Variants in RECK observed in about 807,000 individuals in gnomAD.
The protein encoded by RECK is reversion-inducing cysteine-rich protein with Kazal motifs.
A neutral mutation model predicts 115.1 loss-of-function variants in RECK; 69 were observed. That is an observed-to-expected ratio of 0.60 (90% confidence interval 0.49 to 0.73). The LOEUF (loss-of-function observed/expected upper bound fraction) is 0.73, where lower values mean the gene tolerates loss of function less well. Among genes scored for constraint, RECK ranks in the 30% least tolerant of loss-of-function variants. The pLI is 0.00. For synonymous variants in RECK, 414 were observed against 419.7 expected (o/e 0.99, Z 0.17); for missense variants, 1,047 against 1,203.7 (o/e 0.87, Z 1.93).
Position 36,100,558 on chromosome 9 carries a change from T to C in RECK, c.1298+15T>C, listed in dbSNP as rs1404314862. 3 of 1,584,294 alleles carry C rather than the reference T, an allele frequency of 1.9e-6. No individual in the cohort carries two copies. Among genetic ancestry groups the C allele is most frequent in the Middle Eastern group, 1.7e-4 (1 of 5,832 alleles). On this transcript the variant is annotated intron_variant, in intron 11 of 20. Transcript: ENST00000377966. ...ATTATTTGCAAGTAAGTTTCTTTCA[T>C]CCTAACGATTCTCCAGCTTTAGTTC...
chr9:36,074,000 A>G (rs944378612), intron 6 of RECK, among the ~76,000 whole-genome samples: 2 of 152,094 alleles, frequency 1.3e-5, no homozygotes, highest in Non-Finnish European at 2.9e-5. Flanking sequence ...AACATCAGCA[A>G]ATACTGCAAA....
rs762505072 is a variant in RECK, at chr9:36,108,010, C to CCGT, written c.1613_1615dup (p.Arg538dup). On this transcript the variant is annotated inframe_insertion, in exon 14 of 21. Coordinates refer to ENST00000377966, the MANE Select transcript of RECK (RefSeq NM_021111.3). ...TGGGAGAAGCTTCTGATTTCATTGT[C>CCGT]CGTCAAGGGACACTAATCCAGGTGC... 6.2e-7 allele frequency: 1 copy of CCGT among 1,611,870 alleles called. No homozygotes were observed. The highest frequency in any genetic ancestry group is 1.1e-5 in the South Asian group (1 of 90,582).
intron 6 of RECK, among the ~76,000 whole-genome samples, chr9:36,071,785 T>C (rs1474073680): frequency 2.0e-5 from 3 of 152,180 alleles, no homozygotes; most frequent in Admixed American, 6.5e-5. Flanking sequence ...AACTAAAATA[T>C]TGTTCTGCCA....
intron 7 of RECK, 84 bp from the exon 8 acceptor site, chr9:36,083,281 C>T: frequency 1.5e-6 from 2 of 1,351,094 alleles, no homozygotes; most frequent in Non-Finnish European, 2.1e-6. Context: ...TTTAGAAAGA[C>T]ATATTGTTCC....
At chr9:36,039,283 G>C (rs1820783756) in intron 1 of RECK, among the ~76,000 whole-genome samples, 1 of 152,154 alleles carries the variant, frequency 6.6e-6, no homozygotes, top group Non-Finnish European at 1.5e-5. Context: ...ATGGACAAAG[G>C]CTTCCACTGT....
chr9:36,112,506 A>G (rs747515457), intron 16 of RECK, 30 bp downstream of exon 16: 98 of 1,603,108 alleles, frequency 6.1e-5, no homozygotes, highest in Non-Finnish European at 7.9e-5. Context: ...ATTTTATTCA[A>G]CTGAAGACTA....
chr9:36,110,140 C>A (rs10972728), intron 15 of RECK, 61 bp downstream of exon 15: 542,122 of 1,546,598 alleles, frequency 0.35, 99,276 homozygotes, highest in Middle Eastern at 0.46. Flanking sequence ...CACATTTTTC[C>A]CTTCAAGGCA....
intron 1 of RECK, among the ~76,000 whole-genome samples, chr9:36,045,958 A>G (rs369305007): frequency 1.8e-4 from 28 of 152,010 alleles, no homozygotes; most frequent in African/African-American, 6.8e-4. Flanking sequence ...TTTAGTAATC[A>G]ATTTTTAATT....
rs777288921 is a variant in RECK at position 36,080,609 on chromosome 9, C to T, written c.410C>T (p.Ala137Val). Residue 137 changes from alanine to valine, a missense_variant, in exon 7 of 21, where the codon GCT becomes GTT. Ala to Val is a moderately conservative substitution (Grantham distance 64). Transcript: ENST00000377966. ...SKVCRKEYENALFSCISRNEM... is the reference protein window; with the variant it reads ...SKVCRKEYENVLFSCISRNEM... ...TTGTTTTTCTTCAATTTACAGAATG[C>T]TCTTTTCAGTTGCATTAGCAGAAAT... 1 of 1,607,790 alleles carries T rather than the reference C, an allele frequency of 6.2e-7. No homozygotes were observed. Among genetic ancestry groups the T allele is most frequent in the Non-Finnish European group, 8.5e-7 (1 of 1,176,282 alleles).
intron 6 of RECK, among the ~76,000 whole-genome samples, chr9:36,067,077 G>A (rs546224394): frequency 1.6e-4 from 24 of 152,154 alleles, no homozygotes; most frequent in African/African-American, 3.4e-4. Flanking sequence ...ATTTAGAAAC[G>A]AAAATAGAGA....
intron 15 of RECK, among the ~76,000 whole-genome samples, chr9:36,111,139 C>G (rs923700622): frequency 1.3e-5 from 2 of 152,162 alleles, no homozygotes; most frequent in African/African-American, 4.8e-5. Flanking sequence ...AGCTTTACAA[C>G]TAGCAAGACC....
intron 16 of RECK, among the ~76,000 whole-genome samples, chr9:36,114,781 G>C (rs1824192729): frequency 6.6e-6 from 1 of 152,012 alleles, no homozygotes; most frequent in Admixed American, 6.6e-5. Context: ...GGAGACAGAG[G>C]CTGCAGTAAG....
At position 36,117,176 on chromosome 9, in the gene RECK, A is replaced by T; in HGVS notation, c.2252A>T (p.Gln751Leu). The T allele has an allele frequency of 6.2e-7, 1 of 1,607,728 alleles. No individual in the cohort carries two copies. The highest frequency in any genetic ancestry group is 1.1e-5 in the South Asian group (1 of 90,410). Residue 751 changes from glutamine (Q) to leucine (L), a missense_variant and splice_region_variant, in exon 17 of 21, where the codon CAG becomes CTG. Physicochemically the swap from Gln to Leu is moderately radical, Grantham distance 113. Coordinates refer to ENST00000377966, the MANE Select transcript of RECK (RefSeq NM_021111.3). ...AGCCTCTCTTACAAAGGTCCCTGCC[A>T]GGTACAGTGCTTTGGCTGACAAAAC... The part of the protein sequence containing the change: ...GKSLSYKGPC[Q>L]PFCRATEPVC...
At chr9:36,083,006 T>G (rs1187892640) in intron 7 of RECK, among the ~76,000 whole-genome samples, 2 of 152,236 alleles carry the variant, frequency 1.3e-5, no homozygotes, top group African/African-American at 4.8e-5. Flanking sequence ...CTTGGCATTT[T>G]GAGAGACAGT....
rs1421555874 is a variant in RECK, at chr9:36,102,013, A to C, written c.1299-81A>C. The C allele has an allele frequency of 3.7e-6, 5 of 1,334,284 alleles. No individual in the cohort carries two copies. In the East Asian group the frequency reaches 1.2e-4, roughly 31 times the overall value. The allele number at this position is 1,334,284 out of a possible 1,614,324, so 82.7% of individuals were successfully genotyped here. A position where few individuals can be genotyped will look rare whatever the true frequency, so the allele number is the denominator to read the frequency against. Reference sequence around the variant, plus strand: ...AGTTATGAAAGCTTACTTTCTGGAAAGCTTCAGAAACAAGTGATGTTGACT... The same window carrying C: ...AGTTATGAAAGCTTACTTTCTGGAACGCTTCAGAAACAAGTGATGTTGACT... On this transcript the variant is annotated intron_variant, in intron 11 of 20. Coordinates refer to ENST00000377966, the MANE Select transcript of RECK (RefSeq NM_021111.3).
chr9:36,044,347 A>C lies in RECK; in HGVS notation c.100+7249A>C, dbSNP rs147075557. Among the ~76,000 whole-genome samples, 930 of 152,092 alleles carry C rather than the reference A, an allele frequency of 6.1e-3. 10 individuals are homozygous for C. The highest frequency in any genetic ancestry group is 0.021 in the African/African-American group (865 of 41,478). ...ATTTTGTATCCTAAAACTTTATTGA[A>C]TTCGTTTATCAGATCTGGGAGCTTT... On this transcript the variant is annotated intron_variant, in intron 1 of 20. Coordinates refer to ENST00000377966, the MANE Select transcript of RECK (RefSeq NM_021111.3).
At chr9:36,077,697 G>T (rs1822503951) in intron 6 of RECK, among the ~76,000 whole-genome samples, 1 of 152,096 alleles carries the variant, frequency 6.6e-6, no homozygotes, top group Admixed American at 6.5e-5. Context: ...AGGCACAAAA[G>T]GTCTATTAAT....
intron 6 of RECK, among the ~76,000 whole-genome samples, chr9:36,068,317 T>A (rs1822092117): frequency 6.6e-6 from 1 of 152,124 alleles, no homozygotes; most frequent in Non-Finnish European, 1.5e-5. Context: ...ATCAGCAAGA[T>A]TCGTTATGAT....
chr9:36,054,742 T>TA (rs200530679), intron 2 of RECK, among the ~76,000 whole-genome samples: 3,066 of 152,286 alleles, frequency 0.02, 106 homozygotes, highest in African/African-American at 0.07. Flanking sequence ...TTTTTGGACT[T>TA]ACAAAAATGT....
Sources: gnomAD v4.1 joint callset for allele counts (sites outside exome capture counted in the v4.1 genomes callset) on GRCh38, gnomAD v4.1.1 for gene constraint, MANE v1.5 for transcripts, NCBI Gene and HGNC (gene_info 2026-07-23, HGNC 2026-07-21) for gene names.